THNSL1: variants seen among roughly 807,000 people sequenced by gnomAD.
THNSL1 encodes the protein threonine synthase-like 1.
Under a neutral mutation model 50.4 loss-of-function variants are expected in THNSL1, and 48 were observed. The observed-to-expected ratio is 0.95, with a 90% CI of 0.76 to 1.21. The LOEUF (loss-of-function observed/expected upper bound fraction) is 1.21, where lower values mean the gene tolerates loss of function less well. THNSL1 is among the 50% of genes most tolerant of loss of function. The pLI, the probability that THNSL1 is intolerant of heterozygous loss-of-function variation, is 0.00. For synonymous variants in THNSL1, 309 were observed against 306.1 expected, an observed-to-expected ratio of 1.01 and a Z score of -0.10; for missense variants, 896 against 871.7, an observed-to-expected ratio of 1.03 and a Z score of -0.35.
At chr10:24,984,948 A>T in the THNSL1 span, 47 of 1,489,738 alleles carry the variant, frequency 3.2e-5, no homozygotes, top group Non-Finnish European at 4.3e-5. Flanking sequence ...AGCAAACTGC[A>T]AAAGTAAAGG....
the THNSL1 span, among the ~76,000 whole-genome samples, chr10:24,974,163 A>T: frequency 6.6e-6 from 1 of 152,228 alleles, no homozygotes; most frequent in African/African-American, 2.4e-5. Flanking sequence ...ATGGGGCAGA[A>T]ATCAAACACC....
At chr10:24,969,664 G>A in the THNSL1 span, among the ~76,000 whole-genome samples, 1 of 152,188 alleles carries the variant, frequency 6.6e-6, no homozygotes, top group East Asian at 1.9e-4. Context: ...GCTGTCCATA[G>A]TTACAAAGCC....
At chr10:24,991,078 CAG>C in the THNSL1 span, among the ~76,000 whole-genome samples, 1 of 152,166 alleles carries the variant, frequency 6.6e-6, no homozygotes, top group African/African-American at 2.4e-5. Flanking sequence ...GCCTGGGTGT[CAG>C]AGTGTGACTC....
chr10:25,014,512 A>AT (rs1029313078), upstream of THNSL1, among the ~76,000 whole-genome samples: 2 of 151,300 alleles, frequency 1.3e-5, no homozygotes, highest in Admixed American at 6.6e-5. Flanking sequence ...GTTCCTATAA[A>AT]TTTTTTTTGA....
chr10:24,973,043 A>C, the THNSL1 span, among the ~76,000 whole-genome samples: 3 of 152,198 alleles, frequency 2.0e-5, no homozygotes, highest in African/African-American at 4.8e-5. Flanking sequence ...TTAAAACAAC[A>C]AGGTGTTCAC....
the THNSL1 span, among the ~76,000 whole-genome samples, chr10:24,978,469 T>A: frequency 6.6e-6 from 1 of 151,380 alleles, no homozygotes; most frequent in Non-Finnish European, 1.5e-5. Flanking sequence ...TCTCTTTCCC[T>A]CTCTTTCTCT....
chr10:24,999,674 A>C, the THNSL1 span: 1 of 856,202 alleles, frequency 1.2e-6, no homozygotes, highest in Non-Finnish European at 1.8e-6. Context: ...GCATAATCAT[A>C]AAACATACTT....
chr10:25,010,807 G>C, the THNSL1 span, among the ~76,000 whole-genome samples: 1 of 149,054 alleles, frequency 6.7e-6, no homozygotes, highest in African/African-American at 2.4e-5. Context: ...GTATTCCATG[G>C]TGTATATGTG....
At chr10:24,973,232 T>C in the THNSL1 span, among the ~76,000 whole-genome samples, 2 of 151,996 alleles carry the variant, frequency 1.3e-5, no homozygotes, top group African/African-American at 4.8e-5. Context: ...TTGGAGACAT[T>C]ATGAAGTAAA....
At chr10:24,965,255 T>C in the THNSL1 span, among the ~76,000 whole-genome samples, 2 of 152,152 alleles carry the variant, frequency 1.3e-5, no homozygotes, top group African/African-American at 2.4e-5. Flanking sequence ...ACAACTGCAA[T>C]TGATTGATGT....
At chr10:24,998,759 G>C in the THNSL1 span, among the ~76,000 whole-genome samples, 1 of 152,046 alleles carries the variant, frequency 6.6e-6, no homozygotes, top group Non-Finnish European at 1.5e-5. Flanking sequence ...CTGGGATCAA[G>C]TATATAATTT....
At chr10:25,017,287 T>C (rs1051580436) in intron 1 of THNSL1, among the ~76,000 whole-genome samples, 14 of 152,232 alleles carry the variant, frequency 9.2e-5, no homozygotes, top group Admixed American at 3.9e-4. Flanking sequence ...CCCGTAAATC[T>C]ATGCACATGG....
At chr10:24,980,018 G>T in the THNSL1 span, among the ~76,000 whole-genome samples, 4 of 152,096 alleles carry the variant, frequency 2.6e-5, no homozygotes, top group Non-Finnish European at 4.4e-5. Context: ...GCTACTCTTT[G>T]TCTGCACTGC....
Position 25,023,222 on chromosome 10 carries a change from G to T in THNSL1, c.-2G>T. On this transcript the variant is annotated 5_prime_UTR_variant, in exon 3 of 3. Coordinates refer to ENST00000376356, the MANE Select transcript of THNSL1 (RefSeq NM_024838.5). ...TGGCTTGGGCAGAAAAGTGAAAAGAGAATGCTCCACTTTAACCGATGTCAT... is the reference window on the plus strand; with the variant it reads ...TGGCTTGGGCAGAAAAGTGAAAAGATAATGCTCCACTTTAACCGATGTCAT... 1 of 1,603,532 alleles carries T rather than the reference G, an allele frequency of 6.2e-7. No individual in the cohort carries two copies.
the THNSL1 span, among the ~76,000 whole-genome samples, chr10:24,991,342 G>A: frequency 6.6e-6 from 1 of 151,772 alleles, no homozygotes; most frequent in Non-Finnish European, 1.5e-5. Context: ...TCTTTTTCGT[G>A]GTCTCGTTAA....
the THNSL1 span, among the ~76,000 whole-genome samples, chr10:24,959,790 A>G: frequency 6.6e-6 from 1 of 152,188 alleles, no homozygotes; most frequent in African/African-American, 2.4e-5. Context: ...TTCTCCAAGT[A>G]AGAGGTTTTA....
chr10:24,952,919 C>T, the THNSL1 span, among the ~76,000 whole-genome samples: 1 of 151,906 alleles, frequency 6.6e-6, no homozygotes, highest in South Asian at 2.1e-4. The surrounding 1 kb of genome is among the most constrained non-coding windows in gnomAD (Gnocchi z 5.1). Context: ...CCGGCCCCGC[C>T]GCCAAGCCCC....
upstream of THNSL1, among the ~76,000 whole-genome samples, chr10:25,012,895 T>C (rs1198751960): frequency 4.6e-5 from 7 of 152,182 alleles, no homozygotes; most frequent in African/African-American, 1.7e-4. Context: ...TGATATGGTT[T>C]GGCTGCATCC....
upstream of THNSL1, chr10:25,015,917 G>T (rs1330578693): frequency 1.9e-6 from 3 of 1,608,278 alleles, no homozygotes; most frequent in Non-Finnish European, 1.7e-6. Context: ...AATGCACTCA[G>T]AAGAGCACGT....
Sources: gnomAD v4.1 joint callset for allele counts (sites outside exome capture counted in the v4.1 genomes callset) on GRCh38, gnomAD v4.1.1 for gene constraint, Gnocchi (gnomAD v3.1) non-coding constraint, MANE v1.5 for transcripts, NCBI Gene and HGNC (gene_info 2026-07-23, HGNC 2026-07-21) for gene names.